The following CDH12 variants were observed in gnomAD, a reference collection of about 807,000 sequenced individuals.
CDH12 encodes cadherin-12.
CDH12 carries 41 observed loss-of-function variants against 74.1 expected under a neutral mutation model. The ratio of observed to expected loss-of-function variants is 0.55; its 90% CI spans 0.43 to 0.72. The LOEUF is 0.72. CDH12 is among the 30% of genes least tolerant of loss of function. The pLI is 0.00. For missense variants in CDH12, 945 were observed against 977.2 expected (o/e 0.97, Z 0.44); for synonymous variants, 399 against 355.0 (o/e 1.12, Z -1.39).
chr5:21,772,818 T>G (rs1745394225), intron 11 of CDH12, among the ~76,000 whole-genome samples: 1 of 152,168 alleles, frequency 6.6e-6, no homozygotes, highest in African/African-American at 2.4e-5. Flanking sequence ...ATTTCAACCT[T>G]TAGGTGAAAA....
chr5:22,654,511 A>C (rs1739922297), intron 1 of CDH12, among the ~76,000 whole-genome samples: 1 of 151,982 alleles, frequency 6.6e-6, no homozygotes, highest in South Asian at 2.1e-4. Flanking sequence ...GCTGGTCTCG[A>C]ACTCCTAACC....
At chr5:22,099,185 C>T (rs556071063) in intron 4 of CDH12, among the ~76,000 whole-genome samples, 2 of 152,242 alleles carry the variant, frequency 1.3e-5, no homozygotes, top group South Asian at 4.1e-4. Context: ...ACTGTCATTT[C>T]TTCCCTTCTC....
intron 2 of CDH12, among the ~76,000 whole-genome samples, chr5:22,458,755 A>G (rs1745389318): frequency 6.6e-6 from 1 of 152,172 alleles, no homozygotes; most frequent in Admixed American, 6.5e-5. Context: ...AATTACAATC[A>G]CTAGAGGTAT....
intron 5 of CDH12, among the ~76,000 whole-genome samples, chr5:22,056,513 A>G (rs1258350225): frequency 6.6e-6 from 1 of 152,212 alleles, no homozygotes; most frequent in Non-Finnish European, 1.5e-5. Flanking sequence ...TGGTCAACTA[A>G]GAAATAATCG....
At chr5:21,766,932 T>C (rs372499351) in intron 11 of CDH12, among the ~76,000 whole-genome samples, 6 of 151,984 alleles carry the variant, frequency 3.9e-5, no homozygotes, top group Non-Finnish European at 1.5e-5. Flanking sequence ...ATGTCATAAG[T>C]CAAAAGTGGT....
chr5:22,455,671 G>C (rs1253826565), intron 2 of CDH12, among the ~76,000 whole-genome samples: 1 of 152,170 alleles, frequency 6.6e-6, no homozygotes, highest in African/African-American at 2.4e-5. Context: ...TCAGCACATA[G>C]ATAGCACTTA....
At chr5:22,421,523 T>C (rs1020013683) in intron 2 of CDH12, among the ~76,000 whole-genome samples, 16 of 152,314 alleles carry the variant, frequency 1.1e-4, no homozygotes, top group African/African-American at 3.1e-4. Flanking sequence ...GAACTCATCC[T>C]TTTTTATGGC....
At chr5:22,112,080 A>T (rs1012065836) in intron 4 of CDH12, among the ~76,000 whole-genome samples, 3 of 134,688 alleles carry the variant, frequency 2.2e-5, no homozygotes, top group Non-Finnish European at 4.8e-5. Context: ...CAGGTAAATT[A>T]AACTGCTCTG....
At chr5:21,899,692 T>C (rs1753292484) in intron 6 of CDH12, among the ~76,000 whole-genome samples, 1 of 146,752 alleles carries the variant, frequency 6.8e-6, no homozygotes. Context: ...GATTAACCTA[T>C]AACGATTGAG....
chr5:21,850,561 A>G (rs1014911326), intron 7 of CDH12, among the ~76,000 whole-genome samples: 2 of 151,674 alleles, frequency 1.3e-5, no homozygotes, highest in African/African-American at 4.8e-5. Context: ...TGAAGCTTTT[A>G]TAACACCAAC....
chr5:22,539,774 C>G (rs999306036), intron 1 of CDH12, among the ~76,000 whole-genome samples: 2 of 152,124 alleles, frequency 1.3e-5, no homozygotes, highest in African/African-American at 4.8e-5. Flanking sequence ...TGTAGAGATG[C>G]CCTGCTTTCC....
In CDH12 at chr5:22,359,719, T is replaced by C. The variant is rs530587444; in HGVS notation, c.-333+45538A>G. On this transcript the variant is annotated intron_variant, in intron 3 of 14. Coordinates refer to ENST00000382254, the MANE Select transcript of CDH12 (RefSeq NM_004061.5). ...AGCAAATGTAAAAGAATAGAAATTA[T>C]AACAAACTGTCTCTCAGACCACAGT... Among the ~76,000 whole-genome samples, 4 of 152,216 alleles carry C rather than the reference T, an allele frequency of 2.6e-5. No homozygotes were observed. The South Asian group carries it at 6.2e-4, about 24-fold the overall frequency.
chr5:22,173,533 T>C (rs1749162167), intron 4 of CDH12, among the ~76,000 whole-genome samples: 1 of 151,110 alleles, frequency 6.6e-6, no homozygotes, highest in Non-Finnish European at 1.5e-5. Context: ...ATCCTGGACA[T>C]CCAAATAGAA....
chr5:22,833,269 G>A (rs1464387681), intron 1 of CDH12, among the ~76,000 whole-genome samples: 5 of 152,118 alleles, frequency 3.3e-5, no homozygotes, highest in Non-Finnish European at 5.9e-5. Context: ...CTCACTGGCT[G>A]GAGAAGAGTA....
At chr5:22,002,641 T>C (rs1459264422) in intron 5 of CDH12, among the ~76,000 whole-genome samples, 3 of 152,108 alleles carry the variant, frequency 2.0e-5, no homozygotes, top group Non-Finnish European at 4.4e-5. Flanking sequence ...AAATTGCAAG[T>C]ATGGGTATCT....
chr5:21,898,759 A>G (rs1201894099), intron 6 of CDH12, among the ~76,000 whole-genome samples: 2 of 152,062 alleles, frequency 1.3e-5, no homozygotes, highest in African/African-American at 2.4e-5. Context: ...GAGAAGAGAC[A>G]ATTGTAAAAG....
intron 7 of CDH12, among the ~76,000 whole-genome samples, chr5:21,846,811 C>T (rs1750197729): frequency 6.6e-6 from 1 of 152,100 alleles, no homozygotes; most frequent in Non-Finnish European, 1.5e-5. Flanking sequence ...CAAGTCCAGG[C>T]TTTATCTTAA....
At chr5:22,501,857 A>G (rs1381915948) in intron 2 of CDH12, among the ~76,000 whole-genome samples, 3 of 152,004 alleles carry the variant, frequency 2.0e-5, no homozygotes, top group African/African-American at 4.8e-5. Context: ...CTGGCTGAGC[A>G]GATCTGCTGT....
chr5:22,107,480 G>GTATGTATATATACACATATTA (rs1554010917), intron 4 of CDH12, among the ~76,000 whole-genome samples: 3 of 146,308 alleles, frequency 2.1e-5, no homozygotes, highest in African/African-American at 7.5e-5. Context: ...ATATACATAC[G>GTATGTATATATACACATATTA]TATGTATATA....
Sources: gnomAD v4.1 joint callset for allele counts (sites outside exome capture counted in the v4.1 genomes callset) on GRCh38, gnomAD v4.1.1 for gene constraint, MANE v1.5 for transcripts, NCBI Gene and HGNC (gene_info 2026-07-23, HGNC 2026-07-21) for gene names.